The following CRK variants were observed in gnomAD, a reference collection of about 807,000 sequenced individuals.
CRK encodes the protein CRK proto-oncogene, adaptor protein.
A neutral mutation model predicts 29.8 loss-of-function variants in CRK; 4 were observed. The ratio of observed to expected loss-of-function variants is 0.13; its 90% confidence interval spans 0.07 to 0.31. The LOEUF (loss-of-function observed/expected upper bound fraction) is 0.31, where lower values mean the gene tolerates loss of function less well. Ranked by LOEUF, CRK falls within the 10% of genes least tolerant of loss-of-function variation. The probability of loss-of-function intolerance (pLI) is 1.00; values close to 1 mark genes in which losing one functional copy is unlikely to be tolerated. For missense variants in CRK, 274 were observed against 396.5 expected (o/e 0.69, Z 2.62); for synonymous variants, 153 against 164.9 (o/e 0.93, Z 0.55).
At chr17:1,454,139 T>C (rs1466977493) in intron 1 of CRK, among the ~76,000 whole-genome samples, 2 of 152,088 alleles carry the variant, frequency 1.3e-5, no homozygotes, top group Admixed American at 6.6e-5. Flanking sequence ...AAGGCAAAGG[T>C]TGCAGTGAGC....
intron 1 of CRK, among the ~76,000 whole-genome samples, chr17:1,453,414 AT>A (rs2074033354): frequency 6.6e-6 from 1 of 152,224 alleles, no homozygotes; most frequent in Non-Finnish European, 1.5e-5. Context: ...GTGAGTTTCA[AT>A]GACAGTTTGC....
At chr17:1,448,270 T>C (rs187505135) in intron 1 of CRK, among the ~76,000 whole-genome samples, 267 of 152,198 alleles carry the variant, frequency 1.8e-3, no homozygotes, top group Middle Eastern at 3.4e-3. Flanking sequence ...CTAACTTCTG[T>C]GTGCCTCACC....
chr17:1,436,372 T>C (rs2073886446), intron 2 of CRK, among the ~76,000 whole-genome samples: 1 of 152,148 alleles, frequency 6.6e-6, no homozygotes, highest in Non-Finnish European at 1.5e-5. Context: ...GTGGTGTTAT[T>C]AAAGTAGTCC....
At chr17:1,424,039 C>T (rs1330103003) in intron 2 of CRK, among the ~76,000 whole-genome samples, 1 of 151,788 alleles carries the variant, frequency 6.6e-6, no homozygotes, top group Non-Finnish European at 1.5e-5. Context: ...GCTCCGCAGG[C>T]CCTGTCCGAG....
intron 2 of CRK, chr17:1,424,563 G>A (rs1413728781): frequency 6.6e-6 from 1 of 152,288 alleles, no homozygotes; most frequent in Non-Finnish European, 1.5e-5. Context: ...CAAAACTCCA[G>A]GTCCAATTAG....
At chr17:1,442,023 T>C (rs2361726) in intron 1 of CRK, among the ~76,000 whole-genome samples, 8 of 151,914 alleles carry the variant, frequency 5.3e-5, no homozygotes, top group Admixed American at 5.3e-4. Context: ...GCCTGTATTT[T>C]TTTTTGTATT....
In CRK at chr17:1,423,246, T is replaced by C. The variant is rs1038828685; in HGVS notation, c.*267A>G. 2.1e-5 allele frequency: 11 copies of C among 528,288 alleles called. No individual in the cohort carries two copies. The highest frequency in any genetic ancestry group is 1.2e-4 in the African/African-American group (6 of 51,418). The allele number at this position is 528,288 out of a possible 1,614,324, so 32.7% of individuals were successfully genotyped here. On this transcript the variant is annotated 3_prime_UTR_variant, in exon 3 of 3. Transcript: ENST00000300574. The stretch of plus-strand genomic sequence containing the variant: ...ACTGCCTGAGAGAAAGGAGGCAAGA[T>C]ACCTATCCCTTCTGATACACACAGG...
Position 1,423,192 on chromosome 17 carries a change from G to A in CRK, c.*321C>T. On this transcript the variant is annotated 3_prime_UTR_variant, in exon 3 of 3. Transcript: ENST00000300574. The stretch of plus-strand genomic sequence containing the variant: ...TAAGCAGTGTGTAACACTCCTTCCT[G>A]TCCATCGGTTTTCCACAGGGTGATT... 4.0e-6 allele frequency: 2 copies of A among 495,446 alleles called. No homozygotes were observed. The highest frequency in any genetic ancestry group is 7.1e-6 in the Non-Finnish European group (2 of 282,192). 30.7% of individuals were successfully genotyped at this position (495,446 alleles called of 1,614,324 possible). A position where few individuals can be genotyped will look rare whatever the true frequency, so the allele number is the denominator to read the frequency against.
chr17:1,435,056 C>CTT (rs1203409019), intron 2 of CRK, among the ~76,000 whole-genome samples: 4 of 151,956 alleles, frequency 2.6e-5, no homozygotes, highest in Non-Finnish European at 5.9e-5. Flanking sequence ...TGTTCCATGG[C>CTT]TTTTTTTCTT....
At chr17:1,444,442 T>C (rs1006888337) in intron 1 of CRK, among the ~76,000 whole-genome samples, 2 of 152,124 alleles carry the variant, frequency 1.3e-5, no homozygotes, top group Non-Finnish European at 2.9e-5. Flanking sequence ...GGTGGATTGC[T>C]TGAACCTGGG....
chr17:1,430,794 G>A (rs1313710887), intron 2 of CRK, among the ~76,000 whole-genome samples: 12 of 151,970 alleles, frequency 7.9e-5, no homozygotes, highest in South Asian at 2.1e-4. Context: ...ATGGCCGGGC[G>A]CTGTGGCTCA....
At chr17:1,446,974 T>TTA (rs1055767063) in intron 1 of CRK, among the ~76,000 whole-genome samples, 2 of 152,174 alleles carry the variant, frequency 1.3e-5, no homozygotes, top group Admixed American at 6.6e-5. Flanking sequence ...TGTACTTTAC[T>TTA]TATAAATTAT....
rs1472471815 is a variant in CRK at position 1,420,745 on chromosome 17, CATATACT to C, written c.*2761_*2767del. 2.6e-5 allele frequency: 4 copies of C among 151,960 alleles called. No homozygotes were observed. The highest frequency in any genetic ancestry group is 4.4e-5 in the Non-Finnish European group (3 of 68,002). 9.4% of individuals were successfully genotyped at this position (151,960 alleles called of 1,614,324 possible). On this transcript the variant is annotated 3_prime_UTR_variant, in exon 3 of 3. Transcript: ENST00000300574. ...CATTTGGCCATATTTTTATTTACTA[CATATACT>C]ATAAACATATACAATACATGCTACC...
chr17:1,428,259 C>T (rs377750978), intron 2 of CRK, among the ~76,000 whole-genome samples: 2 of 151,642 alleles, frequency 1.3e-5, no homozygotes, highest in African/African-American at 4.8e-5. Flanking sequence ...GCTGGGACTA[C>T]AGGCGCCCGC....
chr17:1,450,279 T>C (rs916980351), intron 1 of CRK, among the ~76,000 whole-genome samples: 7 of 150,836 alleles, frequency 4.6e-5, no homozygotes, highest in African/African-American at 9.8e-5. Context: ...GAGGCCAAGG[T>C]GGGCGGATCA....
In CRK at chr17:1,421,725, C is replaced by T. The variant is rs935080817; in HGVS notation, c.*1788G>A. The T allele has an allele frequency of 6.6e-6, 1 of 152,044 alleles. No individual in the cohort carries two copies. The highest frequency in any genetic ancestry group is 1.5e-5 in the Non-Finnish European group (1 of 68,016). 9.4% of individuals were successfully genotyped at this position (152,044 alleles called of 1,614,324 possible). A position where few individuals can be genotyped will look rare whatever the true frequency, so the allele number is the denominator to read the frequency against. On this transcript the variant is annotated 3_prime_UTR_variant, in exon 3 of 3. Transcript: ENST00000300574. The stretch of plus-strand genomic sequence containing the variant: ...ACTGACTGTGTGTCAGACAGTGTGC[C>T]GGTCACTCGGACACCACAATCTGGT...
At chr17:1,424,310 C>G (rs544978327) in intron 2 of CRK, among the ~76,000 whole-genome samples, 1 of 152,226 alleles carries the variant, frequency 6.6e-6, no homozygotes, top group South Asian at 2.1e-4. Context: ...TGTGATCCAC[C>G]TGCCTTGGCC....
rs61484271 is a variant in CRK, at chr17:1,425,239, G to A, written c.778-1589C>T. Among the ~76,000 whole-genome samples the A allele has an allele frequency of 2.7e-3, 411 of 151,714 alleles. 1 individual carries two copies. The highest frequency in any genetic ancestry group is 9.3e-3 in the African/African-American group (386 of 41,402). On this transcript the variant is annotated intron_variant, in intron 2 of 2. Coordinates refer to ENST00000300574, the MANE Select transcript of CRK (RefSeq NM_016823.4). ...CTAGTAGCTGGGACTACAGCCGCCC[G>A]CCACCACGCCCAGCTAATTTTTTGT...
chr17:1,423,472 A>C lies in CRK; in HGVS notation c.*41T>G, dbSNP rs750255685. On this transcript the variant is annotated 3_prime_UTR_variant, in exon 3 of 3. Transcript: ENST00000300574. ...TAGATGGCAGTTGGAAAAAAAAAAA[A>C]AAGATTGTTCCCATCTGTCAGCAAA... is the stretch of plus-strand genomic sequence containing the variant. 3 of 1,570,348 alleles carry C rather than the reference A, an allele frequency of 1.9e-6. No homozygotes were observed. The highest frequency in any genetic ancestry group is 2.0e-5 in the Admixed American group (1 of 50,746).
Sources: allele counts gnomAD v4.1 joint callset (sites outside exome capture counted in the v4.1 genomes callset), GRCh38; gene constraint gnomAD v4.1.1; transcripts MANE v1.5; gene names NCBI Gene and HGNC (gene_info 2026-07-23, HGNC 2026-07-21).